Variants in COL25A1 observed in about 807,000 individuals in gnomAD.
COL25A1 encodes collagen alpha-1(XXV) chain.
Under a neutral mutation model 128.4 loss-of-function variants are expected in COL25A1, and 103 were observed. The observed-to-expected ratio is 0.80, with a 90% CI of 0.68 to 0.94. COL25A1 has a LOEUF of 0.94. Among genes scored for constraint, COL25A1 ranks in the 40% least tolerant of loss-of-function variants. COL25A1 has a pLI of 0.00. For missense variants in COL25A1, 745 were observed against 840.0 expected (o/e 0.89, Z 1.40); for synonymous variants, 279 against 277.2 (o/e 1.01, Z -0.06).
chr4:109,186,903 C>T (rs971335666), intron 3 of COL25A1, among the ~76,000 whole-genome samples: 5 of 152,182 alleles, frequency 3.3e-5, no homozygotes, highest in Admixed American at 1.3e-4. Context: ...GGACTAAAAA[C>T]TGTATTCATC....
intron 8 of COL25A1, among the ~76,000 whole-genome samples, chr4:108,961,622 T>TTCTGC (rs1333742916): frequency 5.1e-4 from 77 of 151,366 alleles, no homozygotes; most frequent in South Asian, 6.3e-4. Flanking sequence ...TTCTGTTCTG[T>TTCTGC]TCTGTTGTTG....
chr4:109,041,928 A>G (rs1047397928), intron 5 of COL25A1, among the ~76,000 whole-genome samples: 2 of 152,120 alleles, frequency 1.3e-5, no homozygotes, highest in African/African-American at 4.8e-5. Context: ...CTAATATCTT[A>G]AGGTCCGTCT....
At chr4:109,212,819 T>C (rs1483299431) in intron 3 of COL25A1, among the ~76,000 whole-genome samples, 2 of 152,194 alleles carry the variant, frequency 1.3e-5, no homozygotes, top group African/African-American at 4.8e-5. Flanking sequence ...CTGGTACATG[T>C]ATGGTACATG....
Position 108,827,140 on chromosome 4 carries a change from G to A in COL25A1, c.1759C>T (p.Leu587=). The change falls in exon 33 of 38, where the codon CTG becomes TTG. Residue 587 remains leucine, a synonymous_variant. Coordinates refer to ENST00000399132, the MANE Select transcript of COL25A1 (RefSeq NM_198721.4). ...GCATGTGACCAGGAACTCACAGGCA[G>A]CCCATAGGGCCCTCTTGGTCCAGGC... ...GEPGPRGPYG[L]PGKDGEPGLD... is the part of the protein sequence containing the mutation. The A allele has an allele frequency of 6.2e-7, 1 of 1,613,716 alleles. No homozygotes were observed. Among genetic ancestry groups the A allele is most frequent in the Non-Finnish European group, 8.5e-7 (1 of 1,179,812 alleles).
chr4:109,143,262 G>C (rs1770603746), intron 3 of COL25A1, among the ~76,000 whole-genome samples: 1 of 152,188 alleles, frequency 6.6e-6, no homozygotes, highest in Admixed American at 6.5e-5. Context: ...CAGGGTTTCT[G>C]CAGAGTGATC....
At chr4:108,844,314 C>T (rs775630150) in intron 30 of COL25A1, among the ~76,000 whole-genome samples, 11 of 152,234 alleles carry the variant, frequency 7.2e-5, no homozygotes, top group South Asian at 4.1e-4. Flanking sequence ...CGCAAAACTA[C>T]TCTATCTCTT....
At chr4:109,203,716 G>T (rs778333619) in intron 3 of COL25A1, among the ~76,000 whole-genome samples, 5 of 150,432 alleles carry the variant, frequency 3.3e-5, no homozygotes, top group Admixed American at 6.6e-5. Context: ...GCATAGAAAA[G>T]TAAGAAAATA....
Position 109,080,398 on chromosome 4 carries a change from A to C in COL25A1, c.368-30219T>G, listed in dbSNP as rs964717632. 3.9e-5 allele frequency among the ~76,000 whole-genome samples: 6 copies of C among 152,122 alleles called. No homozygotes were observed. The East Asian group carries it at 1.2e-3, about 29-fold the overall frequency. On this transcript the variant is annotated intron_variant, in intron 3 of 37. Transcript: ENST00000399132. ...TATTTACCTAAGAAGGTTAATCCTA[A>C]TAGAAAAAAATATTAAATTACATAA...
intron 3 of COL25A1, among the ~76,000 whole-genome samples, chr4:109,069,977 T>C (rs1193824227): frequency 1.3e-5 from 2 of 151,742 alleles, no homozygotes; most frequent in Non-Finnish European, 2.9e-5. Flanking sequence ...AATTTTTTTT[T>C]TTTTTTTAAA....
chr4:108,868,695 G>A (rs1738267066), intron 20 of COL25A1, among the ~76,000 whole-genome samples: 1 of 139,270 alleles, frequency 7.2e-6, no homozygotes, highest in African/African-American at 2.7e-5. Flanking sequence ...GGAAGCGAAG[G>A]GAAGGAAGAA....
chr4:108,822,102 G>T (rs1255606245), intron 35 of COL25A1, among the ~76,000 whole-genome samples: 1 of 137,982 alleles, frequency 7.2e-6, no homozygotes, highest in Admixed American at 8.4e-5. Context: ...GGAGTGCAAT[G>T]GCGTGATCTC....
intron 8 of COL25A1, among the ~76,000 whole-genome samples, chr4:108,968,307 G>A (rs528306531): frequency 3.3e-5 from 5 of 152,136 alleles, no homozygotes; most frequent in East Asian, 1.9e-4. Flanking sequence ...ATTCAAAGAC[G>A]GTCAACTTTC....
chr4:108,862,498 G>T lies in COL25A1; in HGVS notation c.1197+3C>A. 1 of 1,608,188 alleles carries T rather than the reference G, an allele frequency of 6.2e-7. No individual in the cohort carries two copies. Among genetic ancestry groups the T allele is most frequent in the Non-Finnish European group, 8.5e-7 (1 of 1,174,834 alleles). On this transcript the variant is annotated splice_donor_region_variant and intron_variant, in intron 22 of 37. Coordinates refer to ENST00000399132, the MANE Select transcript of COL25A1 (RefSeq NM_198721.4). ...ATATTTAAATGGTTATCTGGTTACTGACCTTTGACCCCTTTGGGCCTCTAG... is the reference window on the plus strand; with the variant it reads ...ATATTTAAATGGTTATCTGGTTACTTACCTTTGACCCCTTTGGGCCTCTAG...
chr4:108,935,081 T>C (rs1366231458), intron 11 of COL25A1, among the ~76,000 whole-genome samples: 10 of 152,190 alleles, frequency 6.6e-5, no homozygotes, highest in Non-Finnish European at 1.0e-4. Context: ...CATTTACTGC[T>C]ATCAGAATGA....
intron 3 of COL25A1, among the ~76,000 whole-genome samples, chr4:109,263,064 G>C (rs141634759): frequency 6.6e-6 from 1 of 152,112 alleles, no homozygotes; most frequent in African/African-American, 2.4e-5. Context: ...GGGAAACTGA[G>C]GTTGCAGTGA....
chr4:109,026,990 C>G (rs1246038182), intron 5 of COL25A1, among the ~76,000 whole-genome samples: 1 of 152,180 alleles, frequency 6.6e-6, no homozygotes, highest in African/African-American at 2.4e-5. Flanking sequence ...AAATAGAAGT[C>G]TGCTAGGGAT....
intron 31 of COL25A1, among the ~76,000 whole-genome samples, chr4:108,839,683 C>T (rs1043816053): frequency 2.6e-5 from 4 of 152,062 alleles, no homozygotes; most frequent in Non-Finnish European, 5.9e-5. Context: ...ACTGTTTGGG[C>T]CTGAAGTTTA....
At chr4:108,883,418 T>C (rs1351027599) in intron 19 of COL25A1, among the ~76,000 whole-genome samples, 1 of 152,222 alleles carries the variant, frequency 6.6e-6, no homozygotes, top group Non-Finnish European at 1.5e-5. Context: ...ATTTGCATTA[T>C]GTTAACCCCT....
At chr4:109,099,665 G>A (rs1000469477) in intron 3 of COL25A1, among the ~76,000 whole-genome samples, 3 of 151,076 alleles carry the variant, frequency 2.0e-5, no homozygotes, top group African/African-American at 7.3e-5. Flanking sequence ...ATACATGAAA[G>A]TCAAGTCTTT....
Sources: allele counts gnomAD v4.1 joint callset (sites outside exome capture counted in the v4.1 genomes callset), GRCh38; gene constraint gnomAD v4.1.1; transcripts MANE v1.5; gene names NCBI Gene and HGNC (gene_info 2026-07-23, HGNC 2026-07-21).